MYH11: variants seen among roughly 807,000 people sequenced by gnomAD.
MYH11 encodes myosin heavy chain 11, also known as myosin-11.
A neutral mutation model predicts 246.6 loss-of-function variants in MYH11; 80 were observed. The ratio of observed to expected loss-of-function variants is 0.32; its 90% CI spans 0.27 to 0.39. MYH11 has a LOEUF of 0.39. Among genes scored for constraint, MYH11 ranks in the 10% least tolerant of loss-of-function variants. MYH11 has a pLI of 1.00. For synonymous variants in MYH11, 1,071 were observed against 1,015.5 expected, an observed-to-expected ratio of 1.05 and a Z score of -1.04; for missense variants, 2,158 against 2,546.8, an observed-to-expected ratio of 0.85 and a Z score of 3.29.
intron 40 of MYH11, chr16:15,708,874 A>G (rs1307924412): frequency 1.2e-6 from 2 of 1,604,038 alleles, no homozygotes; most frequent in African/African-American, 1.3e-5. Flanking sequence ...GGAGGTTACC[A>G]TCAGCAAACA....
At chr16:15,828,224 A>T (rs1462235595) in intron 2 of MYH11, among the ~76,000 whole-genome samples, 1 of 152,212 alleles carries the variant, frequency 6.6e-6, no homozygotes, top group East Asian at 1.9e-4. Flanking sequence ...AGCCCTTCAT[A>T]GATGTGCTGC....
chr16:15,714,528 T>C (rs939392710), intron 40 of MYH11: 20 of 370,100 alleles, frequency 5.4e-5, no homozygotes, highest in Non-Finnish European at 1.0e-4. Flanking sequence ...GAGCAGAGCA[T>C]GTCAGGAAGG....
chr16:15,795,290 C>A lies in MYH11; in HGVS notation c.530+3370G>T, dbSNP rs941198849. On this transcript the variant is annotated intron_variant, in intron 4 of 40. Transcript: ENST00000300036. ...CCTGGGCAACAGAGTGAGACTCTGT[C>A]TCAACAAAAAAATCAACAACAACAA... Among the ~76,000 whole-genome samples, 4 of 146,916 alleles carry A rather than the reference C, an allele frequency of 2.7e-5. No homozygotes were observed. In the East Asian group the frequency reaches 6.3e-4, roughly 23 times the overall value.
At chr16:15,723,236 A>G (rs2040576440) in intron 31 of MYH11, among the ~76,000 whole-genome samples, 1 of 152,238 alleles carries the variant, frequency 6.6e-6, no homozygotes, top group South Asian at 2.1e-4. Flanking sequence ...GTGTTTAAAA[A>G]TAAACTCTAA....
At chr16:15,710,318 C>G (rs903922940) in intron 40 of MYH11, among the ~76,000 whole-genome samples, 1 of 151,932 alleles carries the variant, frequency 6.6e-6, no homozygotes, top group Non-Finnish European at 1.5e-5. Flanking sequence ...GTCAGGAGAT[C>G]GAGACCATCC....
intron 30 of MYH11, 53 bp downstream of exon 30, chr16:15,724,594 G>C: frequency 6.2e-7 from 1 of 1,611,804 alleles, no homozygotes; most frequent in Non-Finnish European, 8.5e-7. Flanking sequence ...GGGGATCTCA[G>C]CGCAGAGAAG....
chr16:15,789,328 G>C (rs965835205), intron 4 of MYH11, among the ~76,000 whole-genome samples: 7 of 152,198 alleles, frequency 4.6e-5, no homozygotes, highest in African/African-American at 1.7e-4. Context: ...GGCCTGCACA[G>C]TACTAGGCTT....
At chr16:15,723,600 C>G (rs1345222677) in intron 31 of MYH11, among the ~76,000 whole-genome samples, 1 of 152,180 alleles carries the variant, frequency 6.6e-6, no homozygotes, top group Non-Finnish European at 1.5e-5. Context: ...GAGCTGAGAT[C>G]ACACCACTGC....
rs568810217 is a variant in MYH11, at chr16:15,723,089, A to G, written c.4365+1072T>C. On this transcript the variant is annotated intron_variant, in intron 31 of 40. Coordinates refer to ENST00000300036, the MANE Select transcript of MYH11 (RefSeq NM_002474.3). ...TAACCCTGAGTCACTTGTAAACTAA[A>G]TCATATTTACTAAATAATAATGTAT... 3.3e-5 allele frequency among the ~76,000 whole-genome samples: 5 copies of G among 152,260 alleles called. No individual in the cohort carries two copies. The East Asian group carries it at 9.7e-4, about 29-fold the overall frequency.
chr16:15,771,578 C>A lies in MYH11; in HGVS notation c.1024G>T (p.Glu342Ter), dbSNP rs911589242. 6.2e-7 allele frequency: 1 copy of A among 1,613,724 alleles called. No homozygotes were observed. Among genetic ancestry groups the A allele is most frequent in the Non-Finnish European group, 8.5e-7 (1 of 1,180,006 alleles). ...AMAIMGFSEE[E>*]QLSILKVVSS... Reference sequence around the variant, plus strand: ...AAGGTGTGAGGCTTACATAGCTGCTCCTCCTCGCTGAAACCCATGATTGCC... The same window carrying A: ...AAGGTGTGAGGCTTACATAGCTGCTACTCCTCGCTGAAACCCATGATTGCC... The change falls in exon 9 of 41, where the codon GAG becomes TAG. Residue 342 changes from glutamate to a stop codon, truncating the protein, a stop_gained. Transcript: ENST00000300036. LOFTEE classifies it high-confidence loss of function.
At position 15,782,391 on chromosome 16, in the gene MYH11, T is replaced by A. The variant is rs143160789; in HGVS notation, c.720A>T (p.Ser240=). Residue 240 remains serine, a synonymous_variant, in exon 6 of 41, where the codon TCA becomes TCT. Transcript: ENST00000300036. Reference sequence around the variant, plus strand: ...ATGTGGCTTTGCTACTTACGAATCGTGAGGAGTTGTCGTTCTTCACTGTTT... The same window carrying A: ...ATGTGGCTTTGCTACTTACGAATCGAGAGGAGTTGTCGTTCTTCACTGTTT... The part of the protein sequence containing the change: ...NAKTVKNDNS[S]RFGKFIRINF... 14 of 1,613,994 alleles carry A rather than the reference T, an allele frequency of 8.7e-6. No individual in the cohort carries two copies. Among genetic ancestry groups the A allele is most frequent in the African/African-American group, 1.3e-5 (1 of 75,032 alleles).
chr16:15,796,910 A>G (rs1225785096), intron 4 of MYH11, among the ~76,000 whole-genome samples: 1 of 152,208 alleles, frequency 6.6e-6, no homozygotes, highest in African/African-American at 2.4e-5. Flanking sequence ...AGGTAGCATT[A>G]TATCTCTAGA....
At chr16:15,733,704 G>A (rs568094461) in intron 26 of MYH11, among the ~76,000 whole-genome samples, 3 of 151,658 alleles carry the variant, frequency 2.0e-5, no homozygotes, top group African/African-American at 4.8e-5. Context: ...CACCACGCCC[G>A]GCTAATTTTT....
intron 4 of MYH11, among the ~76,000 whole-genome samples, chr16:15,788,077 C>CTTGTTTTTTTTTTTTTTTTTTTTT: frequency 1.8e-5 from 1 of 55,376 alleles, no homozygotes; most frequent in South Asian, 9.1e-4. Flanking sequence ...GAAGGTAGAT[C>CTTGTTTTTTTTTTTTTTTTTTTTT]TTTTTTTTTT....
intron 36 of MYH11, chr16:15,718,737 C>T: frequency 5.9e-6 from 3 of 508,704 alleles, no homozygotes; most frequent in Non-Finnish European, 1.1e-5. Context: ...TGAAAGCAGC[C>T]ACACCCCCAA....
At chr16:15,776,532 T>G (rs561280432) in intron 7 of MYH11, among the ~76,000 whole-genome samples, 1 of 152,180 alleles carries the variant, frequency 6.6e-6, no homozygotes, top group Non-Finnish European at 1.5e-5. Context: ...CCATCTATGA[T>G]CCTATGATTT....
chr16:15,807,079 A>C (rs1457418948), intron 3 of MYH11, among the ~76,000 whole-genome samples: 1 of 152,108 alleles, frequency 6.6e-6, no homozygotes, highest in African/African-American at 2.4e-5. Context: ...CTTCCATCTC[A>C]GCCTCCTGAG....
intron 4 of MYH11, among the ~76,000 whole-genome samples, chr16:15,794,317 G>A (rs371167839): frequency 5.3e-5 from 8 of 152,174 alleles, no homozygotes; most frequent in East Asian, 1.9e-4. Context: ...CCAACTACGC[G>A]TAAAAGCTCA....
chr16:15,731,130 C>G (rs2040948653), intron 27 of MYH11, among the ~76,000 whole-genome samples: 1 of 152,192 alleles, frequency 6.6e-6, no homozygotes, highest in African/African-American at 2.4e-5. Flanking sequence ...TGGCCTTCCT[C>G]CAGTCTGCAG....
Sources: allele counts gnomAD v4.1 joint callset (sites outside exome capture counted in the v4.1 genomes callset), GRCh38; gene constraint gnomAD v4.1.1; transcripts MANE v1.5; gene names NCBI Gene and HGNC (gene_info 2026-07-23, HGNC 2026-07-21).